The following SIRPB1 variants were observed in gnomAD, a reference collection of about 807,000 sequenced individuals.
SIRPB1 encodes signal regulatory protein beta 1, also known as signal-regulatory protein beta-1.
A neutral mutation model predicts 34.1 loss-of-function variants in SIRPB1; 28 were observed. That is an observed-to-expected ratio of 0.82 (90% confidence interval 0.61 to 1.12). The LOEUF is 1.12. Ranked by LOEUF, SIRPB1 falls within the 50% of genes most tolerant of loss-of-function variation. The pLI, the probability that SIRPB1 is intolerant of heterozygous loss-of-function variation, is 0.00. For missense variants in SIRPB1, 499 were observed against 507.0 expected, an observed-to-expected ratio of 0.98 and a Z score of 0.15; for synonymous variants, 211 against 203.8, an observed-to-expected ratio of 1.04 and a Z score of -0.30.
In SIRPB1 at chr20:1,596,615, G is replaced by A. The variant is rs2091458719; in HGVS notation, c.77-17921C>T. 1.0e-4 allele frequency among the ~76,000 whole-genome samples: 5 copies of A among 49,034 alleles called. 2 individuals carry two copies. Among genetic ancestry groups the A allele is most frequent in the Admixed American group, 6.9e-4 (5 of 7,296 alleles). The allele number at this position is 49,034 out of a possible 152,430, so 32.2% of individuals were successfully genotyped here. ...TAAGGAGAAAAGCTAATCAAATTAAGAGACATTGGAATGCTAGGGTGGAGA... is the reference window on the plus strand; with the variant it reads ...TAAGGAGAAAAGCTAATCAAATTAAAAGACATTGGAATGCTAGGGTGGAGA... On this transcript the variant is annotated intron_variant, in intron 1 of 5. Transcript: ENST00000381605.
Position 1,610,574 on chromosome 20 carries a change from G to C in SIRPB1, c.76+9295C>G, listed in dbSNP as rs532421955. Reference sequence around the variant, plus strand: ...TGGGAAACCCCTAAGTCACCCACTTGTGGGACCTCTTTCCTGAGGTGAGGG... The same window carrying C: ...TGGGAAACCCCTAAGTCACCCACTTCTGGGACCTCTTTCCTGAGGTGAGGG... On this transcript the variant is annotated intron_variant, in intron 1 of 5. Coordinates refer to ENST00000381605, the MANE Select transcript of SIRPB1 (RefSeq NM_006065.5). Among the ~76,000 whole-genome samples the C allele has an allele frequency of 1.1e-4, 8 of 72,374 alleles. 3 individuals carry two copies. In the South Asian group the frequency reaches 4.7e-3, roughly 42 times the overall value. The allele number at this position is 72,374 out of a possible 152,430, so 47.5% of individuals were successfully genotyped here. A position where few individuals can be genotyped will look rare whatever the true frequency, so the allele number is the denominator to read the frequency against.
intron 4 of SIRPB1, among the ~76,000 whole-genome samples, chr20:1,569,880 C>T (rs898204906): frequency 2.0e-5 from 3 of 152,266 alleles, no homozygotes; most frequent in African/African-American, 7.2e-5. Context: ...AGTAGAGGGA[C>T]CCCTCCTGGT....
chr20:1,580,319 T>G (rs1362393463), intron 1 of SIRPB1, among the ~76,000 whole-genome samples: 1 of 147,160 alleles, frequency 6.8e-6, no homozygotes, highest in Non-Finnish European at 1.5e-5. Flanking sequence ...TCTCCAAGAA[T>G]TAATCTTCCT....
At chr20:1,577,054 C>G (rs2091322362) in intron 2 of SIRPB1, among the ~76,000 whole-genome samples, 1 of 148,246 alleles carries the variant, frequency 6.7e-6, no homozygotes, top group African/African-American at 2.5e-5. Flanking sequence ...GAGCAGTTCT[C>G]TATGTCCTGA....
At chr20:1,569,154 G>A (rs1389397235) in intron 4 of SIRPB1, among the ~76,000 whole-genome samples, 1 of 152,088 alleles carries the variant, frequency 6.6e-6, no homozygotes, top group Non-Finnish European at 1.5e-5. Context: ...CGAAAAATGT[G>A]AATAACCCTA....
At chr20:1,569,747 A>T (rs2091197649) in intron 4 of SIRPB1, among the ~76,000 whole-genome samples, 2 of 152,174 alleles carry the variant, frequency 1.3e-5, no homozygotes, top group African/African-American at 2.4e-5. Flanking sequence ...ATCACAAAGG[A>T]TGTTGAATGT....
Position 1,562,777 on chromosome 20 carries a change from T to C in SIRPB1, c.*2723A>G, listed in dbSNP as rs1336432033. Among the ~76,000 whole-genome samples, 1 of 152,212 alleles carries C rather than the reference T, an allele frequency of 6.6e-6. No homozygotes were observed. Among genetic ancestry groups the C allele is most frequent in the Non-Finnish European group, 1.5e-5 (1 of 68,038 alleles). On this transcript the variant is annotated 3_prime_UTR_variant, in exon 6 of 6. Coordinates refer to ENST00000381605, the MANE Select transcript of SIRPB1 (RefSeq NM_006065.5). ...CAAACAGCAAATCCTATAGTTGGGT[T>C]GCCTCCTTGCCTCCCAGTGATGAGC... is the stretch of plus-strand genomic sequence containing the variant.
chr20:1,571,766 CT>C lies in SIRPB1; in HGVS notation c.704del (p.Gln235ArgfsTer28), dbSNP rs763862915. 1 of 1,614,126 alleles carries C rather than the reference CT, an allele frequency of 6.2e-7. No homozygotes were observed. Among genetic ancestry groups the C allele is most frequent in the African/African-American group, 1.3e-5 (1 of 74,938 alleles). On this transcript the variant is annotated frameshift_variant, in exon 3 of 6. Transcript: ENST00000381605. LOFTEE classifies it high-confidence loss of function. ...VICEIAHITL[Q>X]GDPLRGTANL... is the part of the protein sequence containing the mutation. Reference sequence around the variant, plus strand: ...TGGCAGTCCCACGAAGAGGGTCCCCCTGCAAGGTGATGTGGGCTATCTCGCA... The same window carrying C: ...TGGCAGTCCCACGAAGAGGGTCCCCCGCAAGGTGATGTGGGCTATCTCGCA...
Position 1,563,320 on chromosome 20 carries a change from C to T in SIRPB1, c.*2180G>A, listed in dbSNP as rs2091094615. Among the ~76,000 whole-genome samples the T allele has an allele frequency of 1.3e-5, 2 of 151,960 alleles. No homozygotes were observed. Among genetic ancestry groups the T allele is most frequent in the African/African-American group, 4.8e-5 (2 of 41,428 alleles). ...ACTAGTCTGATCAACATGGAGAAAC[C>T]CCATCTCTACTAAAAATACAAAATT... On this transcript the variant is annotated 3_prime_UTR_variant, in exon 6 of 6. Transcript: ENST00000381605.
At chr20:1,578,228 G>C in intron 2 of SIRPB1, 110 bp downstream of exon 2, 2 of 1,192,518 alleles carry the variant, frequency 1.7e-6, no homozygotes, top group Non-Finnish European at 2.4e-6. Context: ...TTCATGAAAG[G>C]GTGGCTGCTC....
At position 1,561,618 on chromosome 20, in the gene SIRPB1, T is replaced by C. The variant is rs2122141340; in HGVS notation, c.*3882A>G. Among the ~76,000 whole-genome samples, 1 of 152,304 alleles carries C rather than the reference T, an allele frequency of 6.6e-6. No homozygotes were observed. The highest frequency in any genetic ancestry group is 1.5e-5 in the Non-Finnish European group (1 of 68,026). Reference sequence around the variant, plus strand: ...CCTTATTGAAATTTGTCTGATGTTTTCCTCATGATTAGATTGGGGTTGTGA... The same window carrying C: ...CCTTATTGAAATTTGTCTGATGTTTCCCTCATGATTAGATTGGGGTTGTGA... On this transcript the variant is annotated 3_prime_UTR_variant, in exon 6 of 6. Coordinates refer to ENST00000381605, the MANE Select transcript of SIRPB1 (RefSeq NM_006065.5).
rs1425146366 is a variant in SIRPB1 at position 1,564,025 on chromosome 20, A to C, written c.*1475T>G. 2 of 152,222 alleles carry C rather than the reference A, an allele frequency of 1.3e-5. No individual in the cohort carries two copies. Among genetic ancestry groups the C allele is most frequent in the Non-Finnish European group, 2.9e-5 (2 of 68,032 alleles). The allele number at this position is 152,222 out of a possible 1,614,324, so 9.4% of individuals were successfully genotyped here. A position where few individuals can be genotyped will look rare whatever the true frequency, so the allele number is the denominator to read the frequency against. On this transcript the variant is annotated 3_prime_UTR_variant, in exon 6 of 6. Coordinates refer to ENST00000381605, the MANE Select transcript of SIRPB1 (RefSeq NM_006065.5). ...ACTCTGGATACATTTTTACAAAGAA[A>C]CAGCACTTGAACTCTCAATGTTTCT...
chr20:1,568,556 C>G (rs2091176507), intron 4 of SIRPB1, among the ~76,000 whole-genome samples: 1 of 151,992 alleles, frequency 6.6e-6, no homozygotes, highest in Non-Finnish European at 1.5e-5. Flanking sequence ...AACTATGAAC[C>G]CAAGAAATAT....
intron 1 of SIRPB1, among the ~76,000 whole-genome samples, chr20:1,617,224 A>T (rs542764786): frequency 1.3e-5 from 2 of 152,346 alleles, no homozygotes; most frequent in East Asian, 3.8e-4. Flanking sequence ...AGCATGTCAC[A>T]GAGATATCTG....
chr20:1,618,347 G>A (rs957274050), intron 1 of SIRPB1, among the ~76,000 whole-genome samples: 4 of 152,134 alleles, frequency 2.6e-5, no homozygotes, highest in East Asian at 3.8e-4. Flanking sequence ...CTTTGGAGCC[G>A]GTCGACCTGG....
At position 1,561,886 on chromosome 20, in the gene SIRPB1, T is replaced by C. The variant is rs1304298477; in HGVS notation, c.*3614A>G. Among the ~76,000 whole-genome samples the C allele has an allele frequency of 6.6e-6, 1 of 152,156 alleles. No individual in the cohort carries two copies. The highest frequency in any genetic ancestry group is 1.5e-5 in the Non-Finnish European group (1 of 68,032). On this transcript the variant is annotated 3_prime_UTR_variant, in exon 6 of 6. Transcript: ENST00000381605. ...ACAGCCCACACTTCAGGAGTGGAAG[T>C]TATGTTCCACCTCCTTTAGAGTGGA... is the stretch of plus-strand genomic sequence containing the variant.
intron 1 of SIRPB1, among the ~76,000 whole-genome samples, chr20:1,614,458 A>G (rs779843193): frequency 2.0e-5 from 3 of 152,058 alleles, no homozygotes; most frequent in Non-Finnish European, 2.9e-5. Flanking sequence ...CTCTACTGTG[A>G]CCTAGTGACA....
Position 1,593,747 on chromosome 20 carries a change from A to C in SIRPB1, c.77-15053T>G. Among the ~76,000 whole-genome samples, 2 of 49,262 alleles carry C rather than the reference A, an allele frequency of 4.1e-5. 1 individual carries two copies. Among genetic ancestry groups the C allele is most frequent in the Non-Finnish European group, 7.8e-5 (2 of 25,514 alleles). The allele number at this position is 49,262 out of a possible 152,430, so 32.3% of individuals were successfully genotyped here. On this transcript the variant is annotated intron_variant, in intron 1 of 5. Transcript: ENST00000381605. Reference sequence around the variant, plus strand: ...CTGTTTACGAAGGAAAAAGGAAAAAAAACCCAGAAATATTAATATCTAAAG... The same window carrying C: ...CTGTTTACGAAGGAAAAAGGAAAAACAACCCAGAAATATTAATATCTAAAG...
At position 1,562,872 on chromosome 20, in the gene SIRPB1, G is replaced by A. The variant is rs1301320196; in HGVS notation, c.*2628C>T. On this transcript the variant is annotated 3_prime_UTR_variant, in exon 6 of 6. Transcript: ENST00000381605. ...GCAACCAAGATGAAAGTGCAGTGAA[G>A]AAATGAGAAGTGAAAATGCTGCAAG... Among the ~76,000 whole-genome samples the A allele has an allele frequency of 6.6e-6, 1 of 152,188 alleles. No individual in the cohort carries two copies. Among genetic ancestry groups the A allele is most frequent in the East Asian group, 1.9e-4 (1 of 5,198 alleles).
Sources: allele counts gnomAD v4.1 joint callset (sites outside exome capture counted in the v4.1 genomes callset), GRCh38; gene constraint gnomAD v4.1.1; transcripts MANE v1.5; gene names NCBI Gene and HGNC (gene_info 2026-07-23, HGNC 2026-07-21).